The following ASIC2 variants were observed in gnomAD, a reference collection of about 807,000 sequenced individuals.
ASIC2 encodes the protein acid-sensing ion channel 2.
In ASIC2, 25 loss-of-function variants were observed where a neutral mutation model predicts 57.3. That is an observed-to-expected ratio of 0.44 (90% CI 0.32 to 0.61). ASIC2 has a LOEUF of 0.61. ASIC2 is among the 20% of genes least tolerant of loss of function. The pLI, the probability that ASIC2 is intolerant of heterozygous loss-of-function variation, is 0.06. For synonymous variants in ASIC2, 319 were observed against 307.5 expected, an observed-to-expected ratio of 1.04 and a Z score of -0.39; for missense variants, 641 against 738.1, an observed-to-expected ratio of 0.87 and a Z score of 1.52.
chr17:33,873,714 G>T (rs1914480769), intron 1 of ASIC2, among the ~76,000 whole-genome samples: 1 of 152,186 alleles, frequency 6.6e-6, no homozygotes, highest in Admixed American at 6.5e-5. Context: ...GCAGAAGTAG[G>T]ATTCAAGCCC....
At chr17:33,327,672 G>C (rs997401629) in intron 1 of ASIC2, among the ~76,000 whole-genome samples, 3 of 152,122 alleles carry the variant, frequency 2.0e-5, no homozygotes, top group Non-Finnish European at 4.4e-5. Flanking sequence ...TGCCAAAGTC[G>C]TTCATTAGAA....
At chr17:33,336,783 G>A (rs1369524922) in intron 1 of ASIC2, among the ~76,000 whole-genome samples, 1 of 151,996 alleles carries the variant, frequency 6.6e-6, no homozygotes, top group Non-Finnish European at 1.5e-5. Context: ...TACAAAACCC[G>A]GCCCACTTTT....
intron 1 of ASIC2, among the ~76,000 whole-genome samples, chr17:33,469,034 C>T (rs1378430337): frequency 1.3e-5 from 2 of 152,220 alleles, no homozygotes; most frequent in Admixed American, 1.3e-4. Context: ...AGAAGGGAGG[C>T]AGCCAAGAGT....
intron 1 of ASIC2, among the ~76,000 whole-genome samples, chr17:34,061,765 TGAAA>T (rs34915062): frequency 0.48 from 72,055 of 151,662 alleles, 20,204 homozygotes; most frequent in Non-Finnish European, 0.62. Flanking sequence ...CAACAGCAGT[TGAAA>T]GAGACAAAGA....
chr17:33,836,709 T>C (rs887425792), intron 1 of ASIC2, among the ~76,000 whole-genome samples: 2 of 151,768 alleles, frequency 1.3e-5, no homozygotes, highest in African/African-American at 4.8e-5. Flanking sequence ...AAAAATTAGC[T>C]AGGTGTGGTG....
At chr17:33,424,482 A>G (rs959589681) in intron 1 of ASIC2, among the ~76,000 whole-genome samples, 2 of 152,194 alleles carry the variant, frequency 1.3e-5, no homozygotes, top group South Asian at 2.1e-4. Context: ...AAAAAGTGTA[A>G]TTAGTCTATG....
intron 1 of ASIC2, among the ~76,000 whole-genome samples, chr17:33,992,415 C>A (rs11653025): frequency 6.6e-6 from 1 of 151,980 alleles, no homozygotes; most frequent in Admixed American, 6.6e-5. Context: ...ATTCATTCAT[C>A]GAAACTCAGC....
intron 5 of ASIC2, among the ~76,000 whole-genome samples, chr17:33,025,406 T>C (rs16567): frequency 0.62 from 94,833 of 151,912 alleles, 29,871 homozygotes; most frequent in Admixed American, 0.73. Context: ...TCCATTTGCA[T>C]GCATGGAATG....
chr17:33,459,865 C>G (rs1357836177), intron 1 of ASIC2, among the ~76,000 whole-genome samples: 1 of 152,182 alleles, frequency 6.6e-6, no homozygotes, highest in African/African-American at 2.4e-5. Flanking sequence ...GTGATTGTCT[C>G]TAGTGAATGG....
At chr17:33,450,899 C>G (rs1175486687) in intron 1 of ASIC2, among the ~76,000 whole-genome samples, 1 of 152,186 alleles carries the variant, frequency 6.6e-6, no homozygotes, top group Non-Finnish European at 1.5e-5. Flanking sequence ...TGCCACACAG[C>G]CTTCTGGGCA....
chr17:34,132,742 G>A (rs1228362639), intron 1 of ASIC2, among the ~76,000 whole-genome samples: 1 of 152,180 alleles, frequency 6.6e-6, no homozygotes, highest in African/African-American at 2.4e-5. Flanking sequence ...TGCAAAATAG[G>A]AATAACAACT....
intron 1 of ASIC2, among the ~76,000 whole-genome samples, chr17:34,062,690 T>C (rs565335417): frequency 6.6e-6 from 1 of 152,144 alleles, no homozygotes; most frequent in South Asian, 2.1e-4. Flanking sequence ...AAGTATATAT[T>C]ACAACTGACA....
At chr17:33,112,579 C>T (rs531536562) in intron 1 of ASIC2, among the ~76,000 whole-genome samples, 2 of 152,306 alleles carry the variant, frequency 1.3e-5, no homozygotes, top group African/African-American at 4.8e-5. Context: ...TCCCAGGGAA[C>T]AGCATCGCCA....
In ASIC2 at chr17:33,174,675, T is replaced by G. The variant is rs531908486; in HGVS notation, c.709-62608A>C. ...GTGTGACTTCTGGCCATAAGTGACT[T>G]GCTCTGCCCAATGAAAGGAAGAGGC... On this transcript the variant is annotated intron_variant, in intron 1 of 9. Transcript: ENST00000225823. Among the ~76,000 whole-genome samples the G allele has an allele frequency of 3.3e-5, 5 of 152,234 alleles. No homozygotes were observed. The South Asian group carries it at 1.0e-3, about 32-fold the overall frequency.
chr17:33,541,707 G>A (rs1915416572), intron 1 of ASIC2, among the ~76,000 whole-genome samples: 1 of 152,152 alleles, frequency 6.6e-6, no homozygotes, highest in Non-Finnish European at 1.5e-5. Context: ...CCACCTTCAT[G>A]CATTTACCTA....
intron 1 of ASIC2, among the ~76,000 whole-genome samples, chr17:33,237,013 G>A (rs979147274): frequency 6.6e-6 from 1 of 152,176 alleles, no homozygotes; most frequent in African/African-American, 2.4e-5. Context: ...GGAGATGAAG[G>A]GTTCACTGGC....
chr17:33,107,952 G>C (rs1048455006), intron 2 of ASIC2, among the ~76,000 whole-genome samples: 1 of 152,148 alleles, frequency 6.6e-6, no homozygotes, highest in African/African-American at 2.4e-5. Flanking sequence ...CTCTGTCTTA[G>C]GTGTGGGATA....
intron 3 of ASIC2, among the ~76,000 whole-genome samples, chr17:33,034,522 A>G (rs890189113): frequency 2.6e-5 from 4 of 151,758 alleles, no homozygotes; most frequent in Admixed American, 1.3e-4. Context: ...ATAAACAAAC[A>G]CCCAAAACCA....
rs185163654 is a variant in ASIC2, at chr17:33,523,323, C to T, written c.556-411256G>A. 2.1e-4 allele frequency among the ~76,000 whole-genome samples: 32 copies of T among 152,284 alleles called. 1 individual carries two copies. Among genetic ancestry groups the T allele is most frequent in the Admixed American group, 1.8e-3 (27 of 15,302 alleles). ...CCAGGCTGGAGTGCAGTGACACCAT[C>T]TGGGCTCACTGCAACCTCCTACTCC... On this transcript the variant is annotated intron_variant, in intron 1 of 9. Transcript: ENST00000359872.
Sources: allele counts gnomAD v4.1 joint callset (sites outside exome capture counted in the v4.1 genomes callset), GRCh38; gene constraint gnomAD v4.1.1; transcripts MANE v1.5; gene names NCBI Gene and HGNC (gene_info 2026-07-23, HGNC 2026-07-21).